SRGAP2B: variants seen among roughly 807,000 people sequenced by gnomAD.
The protein encoded by SRGAP2B is SLIT-ROBO Rho GTPase activating protein 2B.
A neutral mutation model predicts 22.2 loss-of-function variants in SRGAP2B; 9 were observed. The observed-to-expected ratio is 0.41, with a 90% CI of 0.24 to 0.71. SRGAP2B has a LOEUF of 0.71. SRGAP2B is among the 30% of genes least tolerant of loss of function. The pLI, the probability that SRGAP2B is intolerant of heterozygous loss-of-function variation, is 0.35. For missense variants in SRGAP2B, 114 were observed against 235.8 expected (o/e 0.48, Z 3.38); for synonymous variants, 36 against 87.4 (o/e 0.41, Z 3.28).
intron 2 of SRGAP2B, among the ~76,000 whole-genome samples, chr1:145,010,657 C>T (rs1338896): frequency 3.3e-5 from 5 of 150,412 alleles, no homozygotes; most frequent in African/African-American, 1.3e-4. Flanking sequence ...ATAGTACATA[C>T]GGTATAATGC....
intron 4 of SRGAP2B, among the ~76,000 whole-genome samples, chr1:144,943,898 G>A (rs2747571): frequency 9.3e-5 from 14 of 149,756 alleles, no homozygotes; most frequent in Admixed American, 1.3e-4. Flanking sequence ...ATAGTTGGTC[G>A]TCTTAGGTGC....
intron 3 of SRGAP2B, among the ~76,000 whole-genome samples, chr1:144,984,586 GGTATCTGGCAT>G (rs1669580634): frequency 6.7e-6 from 1 of 149,716 alleles, no homozygotes; most frequent in African/African-American, 2.5e-5. Context: ...TACAGGGGTG[GGTATCTGGCAT>G]GTGTCTGGCA....
intron 4 of SRGAP2B, among the ~76,000 whole-genome samples, chr1:144,948,163 CATCCTGGCCCCAAGGCAATCAATGA>C (rs1481784136): frequency 1.3e-4 from 19 of 143,994 alleles, no homozygotes; most frequent in African/African-American, 4.9e-4. Context: ...CCTTCATCCC[CATCCTGGCCCCAAGGCAATCAATGA>C]TCTATTCTCT....
chr1:145,019,871 C>T (rs1192345527), intron 2 of SRGAP2B, among the ~76,000 whole-genome samples: 1 of 148,972 alleles, frequency 6.7e-6, no homozygotes, highest in African/African-American at 2.6e-5. Flanking sequence ...TCTCCTAGTC[C>T]TTTTCCGCCT....
intron 4 of SRGAP2B, among the ~76,000 whole-genome samples, chr1:144,920,120 G>C (rs1298922757): frequency 1.3e-5 from 2 of 150,892 alleles, no homozygotes; most frequent in African/African-American, 4.9e-5. Context: ...CGTTTTTACA[G>C]AGTGCTGATT....
At chr1:144,994,598 G>C (rs1396547438) in intron 3 of SRGAP2B, among the ~76,000 whole-genome samples, 10 of 149,038 alleles carry the variant, frequency 6.7e-5, no homozygotes, top group African/African-American at 2.6e-4. Flanking sequence ...GAGAGAGAGA[G>C]AGAGAGAGAG....
rs587741795 is a variant in SRGAP2B, at chr1:144,940,867, C to A, written c.423+14572G>T. Among the ~76,000 whole-genome samples, 22 of 145,850 alleles carry A rather than the reference C, an allele frequency of 1.5e-4. 1 individual carries two copies. The South Asian group carries it at 4.7e-3, about 31-fold the overall frequency. On this transcript the variant is annotated intron_variant, in intron 4 of 9. Coordinates refer to ENST00000612199, the Ensembl canonical transcript of SRGAP2B. ...AGGAATATATGAAAAAGCTATGGGA[C>A]AGCCAGACTACAGACTGCTGTATGA...
At chr1:144,957,202 G>A (rs1553610495) in intron 3 of SRGAP2B, among the ~76,000 whole-genome samples, 1 of 150,918 alleles carries the variant, frequency 6.6e-6, no homozygotes, top group African/African-American at 2.5e-5. Context: ...AGTGAGTTGA[G>A]AGTAGCTTGG....
chr1:144,956,422 A>G (rs1490353742), intron 3 of SRGAP2B, among the ~76,000 whole-genome samples: 2 of 137,278 alleles, frequency 1.5e-5, no homozygotes, highest in East Asian at 4.1e-4. Context: ...AAAGTGCTAA[A>G]CCAAGGTGCT....
chr1:144,924,604 C>T (rs1275834064), intron 4 of SRGAP2B, among the ~76,000 whole-genome samples: 4 of 150,976 alleles, frequency 2.6e-5, no homozygotes, highest in South Asian at 2.1e-4. Context: ...TAGTGGCGGG[C>T]GCCTGTAGTC....
chr1:145,063,156 CT>C lies in SRGAP2B; in HGVS notation c.67+29678del, dbSNP rs1227737477. 4.7e-5 allele frequency among the ~76,000 whole-genome samples: 6 copies of C among 126,516 alleles called. No homozygotes were observed. In the East Asian group the frequency reaches 1.4e-3, roughly 30 times the overall value. The allele number at this position is 126,516 out of a possible 152,430, so 83.0% of individuals were successfully genotyped here. ...GATGAGGAGGCATTTTCAGTTTCAA[CT>C]TCAACTTATTTTCTTCATTAGGGGT... is the stretch of plus-strand genomic sequence containing the variant. On this transcript the variant is annotated intron_variant, in intron 2 of 9. Coordinates refer to ENST00000612199, the Ensembl canonical transcript of SRGAP2B.
chr1:144,951,355 TG>T (rs1251785711), intron 4 of SRGAP2B, among the ~76,000 whole-genome samples: 1 of 135,736 alleles, frequency 7.4e-6, no homozygotes, highest in African/African-American at 3.0e-5. Flanking sequence ...TTTTTTTAAG[TG>T]GGGGAGGGAG....
intron 2 of SRGAP2B, among the ~76,000 whole-genome samples, chr1:145,068,893 ATGTGTGTGTG>A (rs797031320): frequency 0.05 from 5,462 of 108,440 alleles, 69 homozygotes; most frequent in Middle Eastern, 0.09. Context: ...ATAAGGTAAA[ATGTGTGTGTG>A]TGTGTGTGTG....
chr1:144,906,142 C>A (rs1196479462), intron 5 of SRGAP2B, 68 bp from the exon 6 acceptor site: 1 of 706,324 alleles, frequency 1.4e-6, no homozygotes, highest in East Asian at 2.7e-5. Context: ...GCTTTACAGA[C>A]TAACAGACTC....
At chr1:145,021,614 AG>A (rs1672802520) in intron 2 of SRGAP2B, among the ~76,000 whole-genome samples, 4 of 130,720 alleles carry the variant, frequency 3.1e-5, no homozygotes, top group Non-Finnish European at 6.4e-5. Flanking sequence ...AAAGAGTGAT[AG>A]ATGGCCTGAA....
chr1:144,919,999 G>A (rs1301011542), intron 4 of SRGAP2B: 1 of 150,776 alleles, frequency 6.6e-6, no homozygotes, highest in Non-Finnish European at 1.5e-5. Context: ...AGTGCTGACT[G>A]GTGCATTTAC....
At chr1:144,967,218 C>A (rs1490032353) in intron 3 of SRGAP2B, among the ~76,000 whole-genome samples, 2 of 122,008 alleles carry the variant, frequency 1.6e-5, no homozygotes, top group African/African-American at 3.5e-5. Context: ...ACACCTATTC[C>A]AAAATTGACC....
chr1:144,956,751 G>A (rs1482079214), intron 3 of SRGAP2B, among the ~76,000 whole-genome samples: 1 of 150,046 alleles, frequency 6.7e-6, no homozygotes, highest in Non-Finnish European at 1.5e-5. Context: ...CCCGGCCCTA[G>A]ATGCTCATTT....
At chr1:144,907,136 T>TGC (rs1247591480) in intron 5 of SRGAP2B, among the ~76,000 whole-genome samples, 1 of 146,480 alleles carries the variant, frequency 6.8e-6, no homozygotes, top group African/African-American at 2.7e-5. Context: ...GGTGTGTGTG[T>TGC]GCGTGTGTGT....
Sources: allele counts gnomAD v4.1 joint callset (sites outside exome capture counted in the v4.1 genomes callset), GRCh38; gene constraint gnomAD v4.1.1; transcripts MANE v1.5; gene names NCBI Gene and HGNC (gene_info 2026-07-23, HGNC 2026-07-21).